RPS6KA2: variants seen among roughly 807,000 people sequenced by gnomAD.
The protein encoded by RPS6KA2 is ribosomal protein S6 kinase A2.
A neutral mutation model predicts 91.8 loss-of-function variants in RPS6KA2; 42 were observed. The ratio of observed to expected loss-of-function variants is 0.46; its 90% confidence interval spans 0.36 to 0.59. The LOEUF is 0.59. RPS6KA2 is among the 20% of genes least tolerant of loss of function. The probability of loss-of-function intolerance (pLI) is 0.00; values close to 1 mark genes in which losing one functional copy is unlikely to be tolerated. For missense variants in RPS6KA2, 798 were observed against 978.5 expected (o/e 0.82, Z 2.46); for synonymous variants, 414 against 393.6 (o/e 1.05, Z -0.61).
At chr6:166,643,620 A>T (rs1040943036) in intron 2 of RPS6KA2, among the ~76,000 whole-genome samples, 3 of 152,188 alleles carry the variant, frequency 2.0e-5, no homozygotes, top group Non-Finnish European at 4.4e-5. Flanking sequence ...ATTTAGAAAA[A>T]TTTTTGTCTC....
intron 10 of RPS6KA2, among the ~76,000 whole-genome samples, chr6:166,473,485 C>T (rs888229872): frequency 5.3e-5 from 8 of 152,212 alleles, no homozygotes; most frequent in African/African-American, 9.6e-5. Flanking sequence ...AGCCACTGCA[C>T]GGATGATTTA....
chr6:166,556,036 G>A (rs1784169495), intron 1 of RPS6KA2, among the ~76,000 whole-genome samples: 1 of 152,124 alleles, frequency 6.6e-6, no homozygotes, highest in Non-Finnish European at 1.5e-5. Flanking sequence ...GAAGCCCTGG[G>A]GTAAGAAGAT....
In RPS6KA2 at chr6:166,770,998, AC is replaced by A; in HGVS notation, c.123+87201del. ...CAACTTCATTAGCAAGGGCATTACTACCATACTCACCAGGCCTGTGAGCTTT... is the reference window on the plus strand; with the variant it reads ...CAACTTCATTAGCAAGGGCATTACTACATACTCACCAGGCCTGTGAGCTTT... On this transcript the variant is annotated intron_variant, in intron 2 of 21. Coordinates refer to the RPS6KA2 transcript ENST00000503859. The surrounding 1 kb of genome is among the most constrained non-coding windows in gnomAD (Gnocchi z 5.1). 1 of 1,128,600 alleles carries A rather than the reference AC, an allele frequency of 8.9e-7. No homozygotes were observed. Among genetic ancestry groups the A allele is most frequent in the Non-Finnish European group, 1.3e-6 (1 of 777,034 alleles). The allele number at this position is 1,128,600 out of a possible 1,614,324, so 69.9% of individuals were successfully genotyped here.
intron 1 of RPS6KA2, among the ~76,000 whole-genome samples, chr6:166,584,300 C>T (rs114066164): frequency 1.6e-3 from 240 of 152,334 alleles, no homozygotes; most frequent in African/African-American, 5.4e-3. Flanking sequence ...CTACTCCCAT[C>T]GAATCAGGGC....
chr6:166,672,887 T>C (rs1788510466), intron 2 of RPS6KA2, among the ~76,000 whole-genome samples: 1 of 152,192 alleles, frequency 6.6e-6, no homozygotes, highest in Non-Finnish European at 1.5e-5. Context: ...CCGTAAGCCT[T>C]AAGCCTCGGC....
chr6:166,781,612 T>G (rs1391482778), intron 2 of RPS6KA2, among the ~76,000 whole-genome samples: 1 of 152,202 alleles, frequency 6.6e-6, no homozygotes, highest in Non-Finnish European at 1.5e-5. Context: ...ATGTCCCGTA[T>G]GCACTCACCC....
At position 166,779,224 on chromosome 6, in the gene RPS6KA2, A is replaced by G. The variant is rs570844541; in HGVS notation, c.123+78976T>C. Among the ~76,000 whole-genome samples the G allele has an allele frequency of 2.6e-5, 4 of 152,292 alleles. No homozygotes were observed. In the East Asian group the frequency reaches 5.8e-4, roughly 22 times the overall value. On this transcript the variant is annotated intron_variant, in intron 2 of 21. Coordinates refer to the RPS6KA2 transcript ENST00000503859. The stretch of plus-strand genomic sequence containing the variant: ...TACGGCCCTCAGGATGGTGCAACAG[A>G]GCTCTGTCATCAGCAGGGGTCAATC...
chr6:166,774,407 G>A (rs1275402273), intron 2 of RPS6KA2, among the ~76,000 whole-genome samples: 2 of 152,196 alleles, frequency 1.3e-5, no homozygotes, highest in Non-Finnish European at 2.9e-5. Flanking sequence ...AAGTGGTGCT[G>A]TGGCTGGAGT....
intron 10 of RPS6KA2, among the ~76,000 whole-genome samples, chr6:166,476,077 G>A (rs1780962695): frequency 6.6e-6 from 1 of 152,164 alleles, no homozygotes; most frequent in Non-Finnish European, 1.5e-5. Flanking sequence ...CAGCAGGGCA[G>A]GCACTCATCT....
chr6:166,755,281 G>A (rs1777974608), intron 2 of RPS6KA2, among the ~76,000 whole-genome samples: 1 of 151,968 alleles, frequency 6.6e-6, no homozygotes. Context: ...TTCCGTTTTA[G>A]CCTTACCGCC....
intron 2 of RPS6KA2, among the ~76,000 whole-genome samples, chr6:166,724,584 C>A (rs1048250988): frequency 3.3e-5 from 5 of 152,146 alleles, no homozygotes; most frequent in Admixed American, 6.5e-5. Flanking sequence ...GTGTGCTCAC[C>A]CCACTTATGC....
intron 2 of RPS6KA2, among the ~76,000 whole-genome samples, chr6:166,854,473 C>T (rs965933480): frequency 8.9e-6 from 1 of 112,820 alleles, no homozygotes; most frequent in Non-Finnish European, 2.2e-5. Context: ...CCAGGGCAAG[C>T]CTCGCTCACC....
intron 1 of RPS6KA2, among the ~76,000 whole-genome samples, chr6:166,589,564 T>G (rs913137976): frequency 2.0e-5 from 3 of 152,194 alleles, no homozygotes; most frequent in Non-Finnish European, 4.4e-5. Flanking sequence ...GCATAAACAA[T>G]GTCATTCTAC....
chr6:166,537,653 T>C (rs1229237958), intron 2 of RPS6KA2, among the ~76,000 whole-genome samples: 2 of 152,258 alleles, frequency 1.3e-5, no homozygotes, highest in Non-Finnish European at 2.9e-5. Context: ...AATGTACTAT[T>C]CATTCTACAC....
rs1026294257 is a variant in RPS6KA2, at chr6:166,508,379, G to A, written c.380-97C>T. On this transcript the variant is annotated intron_variant, in intron 4 of 20. Transcript: ENST00000265678. This position sits in a 1 kb window ranked among gnomAD's most constrained non-coding sequence, Gnocchi z 4.3. Reference sequence around the variant, plus strand: ...CCCTGCTCACGGTGCTGCTTACTCCGGGAGGCTGAGTCACTTGAGAAACGG... The same window carrying A: ...CCCTGCTCACGGTGCTGCTTACTCCAGGAGGCTGAGTCACTTGAGAAACGG... The A allele has an allele frequency of 1.1e-5, 9 of 792,368 alleles. No homozygotes were observed. The highest frequency in any genetic ancestry group is 2.6e-5 in the East Asian group (1 of 39,072). The allele number at this position is 792,368 out of a possible 1,614,324, so 49.1% of individuals were successfully genotyped here.
chr6:166,722,799 C>A (rs956529775), intron 2 of RPS6KA2, among the ~76,000 whole-genome samples: 11 of 152,234 alleles, frequency 7.2e-5, no homozygotes, highest in African/African-American at 2.4e-4. Flanking sequence ...TTAGACTTTA[C>A]CTCCAGTGAC....
rs1033688599 is a variant in RPS6KA2, at chr6:166,493,568, T to G, written c.748-2827A>C. Among the ~76,000 whole-genome samples the G allele has an allele frequency of 6.6e-6, 1 of 151,906 alleles. No homozygotes were observed. Among genetic ancestry groups the G allele is most frequent in the Non-Finnish European group, 1.5e-5 (1 of 67,986 alleles). ...ACACGCACCGGGGGAGGGAGGGCACTCCAAAGGATTCTTTCCCAATCGGCA... is the reference window on the plus strand; with the variant it reads ...ACACGCACCGGGGGAGGGAGGGCACGCCAAAGGATTCTTTCCCAATCGGCA... On this transcript the variant is annotated intron_variant, in intron 8 of 20. Transcript: ENST00000265678. This position sits in a 1 kb window ranked among gnomAD's most constrained non-coding sequence, Gnocchi z 4.7.
chr6:166,459,490 G>A lies in RPS6KA2; in HGVS notation c.1034C>T (p.Thr345Ile), dbSNP rs896528675. 3.7e-6 allele frequency: 6 copies of A among 1,614,026 alleles called. No individual in the cohort carries two copies. Among genetic ancestry groups the A allele is most frequent in the Non-Finnish European group, 5.1e-6 (6 of 1,180,010 alleles). The change falls in exon 12 of 21, where the codon ACC (threonine) becomes ATC (isoleucine). Residue 345 changes from threonine (T) to isoleucine (I), a missense_variant. By Grantham distance (89) the Thr-to-Ile change is moderately conservative. Coordinates refer to ENST00000265678, the MANE Select transcript of RPS6KA2 (RefSeq NM_021135.6). This position sits in a 1 kb window ranked among gnomAD's most constrained non-coding sequence, Gnocchi z 4.9. ...FKPAVGRPEDTFHFDPEFTAR... is the reference protein window; with the variant it reads ...FKPAVGRPEDIFHFDPEFTAR... The stretch of plus-strand genomic sequence containing the variant: ...TGTGAACTCGGGGTCAAAGTGGAAG[G>A]TGTCCTCAGGCCTGCCCACTGCTGG...
chr6:166,760,357 G>A (rs981217672), intron 2 of RPS6KA2, among the ~76,000 whole-genome samples: 5 of 152,224 alleles, frequency 3.3e-5, no homozygotes, highest in African/African-American at 1.2e-4. Flanking sequence ...GATATATTGA[G>A]CTGGTCTAAT....
Sources: allele counts gnomAD v4.1 joint callset (sites outside exome capture counted in the v4.1 genomes callset), GRCh38; gene constraint gnomAD v4.1.1; non-coding constraint Gnocchi (gnomAD v3.1); transcripts MANE v1.5; gene names NCBI Gene and HGNC (gene_info 2026-07-23, HGNC 2026-07-21).